The following NUGGC variants were observed in gnomAD, a reference collection of about 807,000 sequenced individuals.
The protein encoded by NUGGC is nuclear GTPase, germinal center associated.
A neutral mutation model predicts 92.6 loss-of-function variants in NUGGC; 58 were observed. That is an observed-to-expected ratio of 0.63 (90% CI 0.51 to 0.78). The LOEUF (loss-of-function observed/expected upper bound fraction) is 0.78. NUGGC is among the 30% of genes least tolerant of loss of function. The probability of loss-of-function intolerance (pLI) is 0.00; values close to 1 mark genes in which losing one functional copy is unlikely to be tolerated. For synonymous variants in NUGGC, 376 were observed against 366.4 expected, an observed-to-expected ratio of 1.03 and a Z score of -0.30; for missense variants, 925 against 964.6, an observed-to-expected ratio of 0.96 and a Z score of 0.54.
intron 17 of NUGGC, 128 bp from the exon 18 acceptor site, chr8:28,027,180 GCAACC>G: frequency 1.4e-6 from 1 of 716,236 alleles, no homozygotes; most frequent in Non-Finnish European, 2.5e-6. Flanking sequence ...GTCAGGCTTT[GCAACC>G]CAGTTGCAAA....
At position 28,069,609 on chromosome 8, in the gene NUGGC, A is replaced by C. The variant is rs1810534273; in HGVS notation, c.192T>G (p.Thr64=). The change falls in exon 4 of 19, where the codon ACT becomes ACG. Residue 64 remains threonine (T), a synonymous_variant. Transcript: ENST00000413272. ...AGACAGACTGAATAAGTTTCTGATAAGTGTTGCTCAAAACCCTTCTGGTCC... is the reference window on the plus strand; with the variant it reads ...AGACAGACTGAATAAGTTTCTGATACGTGTTGCTCAAAACCCTTCTGGTCC... ...ESRTRRVLSN[T]YQKLIQSVFL... 1 of 1,612,416 alleles carries C rather than the reference A, an allele frequency of 6.2e-7. No homozygotes were observed.
intron 13 of NUGGC, among the ~76,000 whole-genome samples, chr8:28,035,477 G>T (rs538312447): frequency 6.6e-6 from 1 of 152,130 alleles, no homozygotes; most frequent in Non-Finnish European, 1.5e-5. Flanking sequence ...AAGATACCCG[G>T]CTGCTCGCTG....
chr8:28,067,539 C>G lies in NUGGC; in HGVS notation c.686G>C (p.Arg229Thr). ...CTCTTCCGCCTTGAGGGTGATGACTCTGGAGGTGGGGATCTTCCTTTTGGG... is the reference window on the plus strand; with the variant it reads ...CTCTTCCGCCTTGAGGGTGATGACTGTGGAGGTGGGGATCTTCCTTTTGGG... The part of the protein sequence containing the change: ...AKPKRKIPTS[R>T]VITLKAEEAE... The change falls in exon 6 of 19, where the codon AGA becomes ACA. Residue 229 changes from arginine to threonine, a missense_variant. Physicochemically the swap from Arg to Thr is moderately conservative, Grantham distance 71. Transcript: ENST00000413272. 6.2e-7 allele frequency: 1 copy of G among 1,610,844 alleles called. No homozygotes were observed. Among genetic ancestry groups the G allele is most frequent in the South Asian group, 1.1e-5 (1 of 90,222 alleles).
chr8:28,082,597 A>G (rs1164326750), intron 1 of NUGGC, among the ~76,000 whole-genome samples: 1 of 152,236 alleles, frequency 6.6e-6, no homozygotes, highest in African/African-American at 2.4e-5. Context: ...GCCTTTTTAC[A>G]TAGCCTTAAA....
At chr8:28,039,367 C>T (rs959216286) in intron 13 of NUGGC, among the ~76,000 whole-genome samples, 1 of 151,916 alleles carries the variant, frequency 6.6e-6, no homozygotes, top group Admixed American at 6.6e-5. Context: ...CCAGTAGCTG[C>T]GATTACAGGT....
chr8:28,071,070 T>A (rs1199378052), intron 2 of NUGGC, among the ~76,000 whole-genome samples: 2 of 152,138 alleles, frequency 1.3e-5, no homozygotes, highest in Non-Finnish European at 2.9e-5. Context: ...CACTGTTGGA[T>A]CATTCCAGTT....
chr8:28,050,881 T>G (rs1809982972), intron 10 of NUGGC, among the ~76,000 whole-genome samples: 1 of 152,220 alleles, frequency 6.6e-6, no homozygotes, highest in Admixed American at 6.5e-5. Flanking sequence ...TCATGACTCA[T>G]TTTTTAAATC....
intron 1 of NUGGC, among the ~76,000 whole-genome samples, chr8:28,075,783 T>G (rs1217386301): frequency 1.3e-5 from 2 of 152,212 alleles, no homozygotes; most frequent in Non-Finnish European, 2.9e-5. Flanking sequence ...TGGTGGGTGT[T>G]GGGTGAATGG....
chr8:28,041,301 C>G, intron 12 of NUGGC, 86 bp from the exon 13 acceptor site: 1 of 1,333,372 alleles, frequency 7.5e-7, no homozygotes, highest in Non-Finnish European at 1.0e-6. Context: ...AAGCTTGTCA[C>G]CAGCTCAAGA....
rs181893065 is a variant in NUGGC, at chr8:28,064,765, C to T, written c.712-34G>A. On this transcript the variant is annotated intron_variant, in intron 6 of 18. Coordinates refer to ENST00000413272, the MANE Select transcript of NUGGC (RefSeq NM_001010906.2). ...GGAGGACAGAGTCACACACACCAGCCATGCACCCAGCTCTGTTCACCCCGG... is the reference window on the plus strand; with the variant it reads ...GGAGGACAGAGTCACACACACCAGCTATGCACCCAGCTCTGTTCACCCCGG... 243 of 1,578,586 alleles carry T rather than the reference C, an allele frequency of 1.5e-4. No individual in the cohort carries two copies. The African/African-American group carries it at 2.8e-3, about 18-fold the overall frequency.
intron 10 of NUGGC, among the ~76,000 whole-genome samples, chr8:28,052,275 G>A (rs17058540): frequency 0.15 from 22,830 of 152,098 alleles, 1,894 homozygotes; most frequent in South Asian, 0.23. Flanking sequence ...ACTGCTGCAG[G>A]CCAGGTGGCA....
Position 28,064,558 on chromosome 8 carries a change from G to A in NUGGC, c.885C>T (p.Gly295=), listed in dbSNP as rs749683460. 37 of 1,613,894 alleles carry A rather than the reference G, an allele frequency of 2.3e-5. No individual in the cohort carries two copies. Among genetic ancestry groups the A allele is most frequent in the South Asian group, 1.5e-4 (14 of 91,082 alleles). The change falls in exon 7 of 19, where the codon GGC becomes GGT. Residue 295 remains glycine (G), a synonymous_variant. Coordinates refer to ENST00000413272, the MANE Select transcript of NUGGC (RefSeq NM_001010906.2). ...TCTCGTCCCTCTTGCTGTTGAAGTC[G>A]CCTGTGCCTGGGATGTCCACCAGCA... ...GVVLVDIPGT[G]DFNSKRDEMW...
In NUGGC at chr8:28,074,381, C is replaced by T. The variant is rs1810667968; in HGVS notation, c.30G>A (p.Gln10=). MAETKDVFG[Q]EPHPVEDDLY... is the part of the protein sequence containing the mutation. The stretch of plus-strand genomic sequence containing the variant: ...CAAAGATGTTACCTGGATGCGGTTC[C>T]TGGCCAAAAACATCCTTCGTTTCTG... Residue 10 remains glutamine (Q), a synonymous_variant, in exon 2 of 19, where the codon CAG becomes CAA. Coordinates refer to ENST00000413272, the MANE Select transcript of NUGGC (RefSeq NM_001010906.2). 6.2e-7 allele frequency: 1 copy of T among 1,613,258 alleles called. No homozygotes were observed. Among genetic ancestry groups the T allele is most frequent in the Non-Finnish European group, 8.5e-7 (1 of 1,179,292 alleles).
intron 10 of NUGGC, among the ~76,000 whole-genome samples, chr8:28,055,508 ATGG>A (rs1666526028): frequency 6.6e-6 from 1 of 152,178 alleles, no homozygotes; most frequent in Non-Finnish European, 1.5e-5. Flanking sequence ...AGATGAGAAA[ATGG>A]TGCCTCAGAG....
At chr8:28,078,629 G>A (rs1407951158) in intron 1 of NUGGC, among the ~76,000 whole-genome samples, 1 of 152,114 alleles carries the variant, frequency 6.6e-6, no homozygotes, top group Non-Finnish European at 1.5e-5. Flanking sequence ...ATTTAGATGG[G>A]TGCTAAAAAG....
rs1213657954 is a variant in NUGGC at position 28,045,550 on chromosome 8, A to G, written c.1423T>C (p.Phe475Leu). ...AFGLLLLTDSFNSTQNLPNEH... is the reference protein window; with the variant it reads ...AFGLLLLTDSLNSTQNLPNEH... The stretch of plus-strand genomic sequence containing the variant: ...ACCGGCAGGTTTTGCGTGGAGTTGA[A>G]ACTATCTGTGAGGAGCAACAGGCCA... The change falls in exon 12 of 19, where the codon TTC becomes CTC. Residue 475 changes from phenylalanine (F) to leucine (L), a missense_variant. By Grantham distance (22) the Phe-to-Leu change is conservative (BLOSUM62 0). Transcript: ENST00000413272. 6.2e-7 allele frequency: 1 copy of G among 1,612,466 alleles called. No individual in the cohort carries two copies. Among genetic ancestry groups the G allele is most frequent in the East Asian group, 2.2e-5 (1 of 44,846 alleles).
Position 28,078,858 on chromosome 8 carries a change from A to C in NUGGC, c.-46-4402T>G, listed in dbSNP as rs57958051. 1.1e-3 allele frequency among the ~76,000 whole-genome samples: 166 copies of C among 152,292 alleles called. 1 individual carries two copies. Among genetic ancestry groups the C allele is most frequent in the African/African-American group, 3.9e-3 (162 of 41,564 alleles). ...AGGAATGGTGGTGTTCATTGTGAAA[A>C]TTTGGTTTCTGTGGAGAAGCAATTG... is the stretch of plus-strand genomic sequence containing the variant. On this transcript the variant is annotated intron_variant, in intron 1 of 18. Transcript: ENST00000413272.
At chr8:28,065,319 C>T (rs899619306) in intron 6 of NUGGC, among the ~76,000 whole-genome samples, 5 of 151,962 alleles carry the variant, frequency 3.3e-5, no homozygotes, top group African/African-American at 7.3e-5. Flanking sequence ...CAACCACGCC[C>T]GGCTAATTTT....
chr8:28,032,613 G>T (rs939902886), intron 14 of NUGGC, among the ~76,000 whole-genome samples: 9 of 151,674 alleles, frequency 5.9e-5, no homozygotes, highest in African/African-American at 2.2e-4. Context: ...AGCTACTCGG[G>T]AGGCTGAGGC....
Sources: gnomAD v4.1 joint callset for allele counts (sites outside exome capture counted in the v4.1 genomes callset) on GRCh38, gnomAD v4.1.1 for gene constraint, MANE v1.5 for transcripts, NCBI Gene and HGNC (gene_info 2026-07-23, HGNC 2026-07-21) for gene names.